RBFOX3: variants seen among roughly 807,000 people sequenced by gnomAD.
The protein encoded by RBFOX3 is RNA binding protein fox-1 homolog 3.
In RBFOX3, 17 loss-of-function variants were observed where a neutral mutation model predicts 48.7. That is an observed-to-expected ratio of 0.35 (90% CI 0.24 to 0.52). The LOEUF (loss-of-function observed/expected upper bound fraction) is 0.52, where lower values mean the gene tolerates loss of function less well. Among genes scored for constraint, RBFOX3 ranks in the 20% least tolerant of loss-of-function variants. The probability of loss-of-function intolerance (pLI) is 0.94; values close to 1 mark genes in which losing one functional copy is unlikely to be tolerated. For synonymous variants in RBFOX3, 212 were observed against 209.5 expected (o/e 1.01, Z -0.10); for missense variants, 382 against 497.5 (o/e 0.77, Z 2.21).
chr17:79,179,360 G>A (rs1195910052), intron 4 of RBFOX3, among the ~76,000 whole-genome samples: 2 of 152,170 alleles, frequency 1.3e-5, no homozygotes, highest in Admixed American at 1.3e-4. Context: ...GCTCGGAAAC[G>A]CCGCATCCTC....
chr17:79,440,889 A>G (rs1555734465), intron 2 of RBFOX3, among the ~76,000 whole-genome samples: 1 of 152,016 alleles, frequency 6.6e-6, no homozygotes, highest in Non-Finnish European at 1.5e-5. Flanking sequence ...CCCACACCCC[A>G]TACGAGGGGA....
At chr17:79,131,159 T>C (rs571461043) in intron 4 of RBFOX3, among the ~76,000 whole-genome samples, 116 of 151,674 alleles carry the variant, frequency 7.6e-4, no homozygotes, top group African/African-American at 2.5e-3. Flanking sequence ...GTGTACCGTG[T>C]GTGAGCCATG....
At chr17:79,328,496 C>T (rs995400612) in intron 2 of RBFOX3, among the ~76,000 whole-genome samples, 10 of 152,204 alleles carry the variant, frequency 6.6e-5, no homozygotes, top group Non-Finnish European at 1.5e-4. Flanking sequence ...GAATTCATCA[C>T]TGTATTTCAT....
In RBFOX3 at chr17:79,430,424, T is replaced by C. The variant is rs558634780; in HGVS notation, c.-175+52030A>G. Among the ~76,000 whole-genome samples the C allele has an allele frequency of 2.7e-3, 404 of 152,294 alleles. 3 individuals carry two copies. Among genetic ancestry groups the C allele is most frequent in the African/African-American group, 9.3e-3 (386 of 41,550 alleles). The stretch of plus-strand genomic sequence containing the variant: ...GTTAAGGAGGCTTCCCAAACTATAG[T>C]TCATTTAACTGTCCTTTTAGGAGTC... On this transcript the variant is annotated intron_variant, in intron 2 of 14. Transcript: ENST00000693108.
At chr17:79,612,438 G>C (rs901327457), upstream of RBFOX3, among the ~76,000 whole-genome samples, 1 of 152,230 alleles carries the variant, frequency 6.6e-6, no homozygotes, top group Non-Finnish European at 1.5e-5. Flanking sequence ...TATGGATTTG[G>C]AGCTTCTCGG....
intron 3 of RBFOX3, among the ~76,000 whole-genome samples, chr17:79,280,462 G>T (rs1053893469): frequency 1.1e-4 from 16 of 152,316 alleles, no homozygotes; most frequent in Non-Finnish European, 1.6e-4. Flanking sequence ...CATCAAGGCC[G>T]CGATGCCTTC....
chr17:79,150,775 G>T (rs187550663), intron 4 of RBFOX3, among the ~76,000 whole-genome samples: 1 of 152,180 alleles, frequency 6.6e-6, no homozygotes, highest in African/African-American at 2.4e-5. Flanking sequence ...GAGAAAAGAG[G>T]GGGGCAGGGA....
At chr17:79,517,461 A>AC (rs2085421375) in intron 1 of RBFOX3, among the ~76,000 whole-genome samples, 1 of 149,822 alleles carries the variant, frequency 6.7e-6, no homozygotes, top group African/African-American at 2.5e-5. Flanking sequence ...AAAAAAAAAA[A>AC]CAAACAAAAA....
At chr17:79,100,750 G>A (rs183553146) in intron 9 of RBFOX3, among the ~76,000 whole-genome samples, 2 of 152,356 alleles carry the variant, frequency 1.3e-5, no homozygotes, top group East Asian at 1.9e-4. Context: ...CGCCTGCTCT[G>A]CTCAAAGCAG....
At chr17:79,603,493 T>C (rs1042634580) in intron 1 of RBFOX3, among the ~76,000 whole-genome samples, 10,304 of 152,270 alleles carry the variant, frequency 0.068, 491 homozygotes, top group East Asian at 0.27. Flanking sequence ...CATGAGCTGC[T>C]GGGGGCTGCT....
At position 79,443,102 on chromosome 17, in the gene RBFOX3, GC is replaced by G. The variant is rs1237501442; in HGVS notation, c.-175+39351del. On this transcript the variant is annotated intron_variant, in intron 2 of 14. Transcript: ENST00000693108. This position sits in a 1 kb window ranked among gnomAD's most constrained non-coding sequence, Gnocchi z 4.4. ...CATGGACGAGACAGTGGTGGCCTCT[GC>G]CCCTGTGGACAAAACCGGAGCTCAG... Among the ~76,000 whole-genome samples the G allele has an allele frequency of 1.3e-5, 2 of 152,204 alleles. No homozygotes were observed. The highest frequency in any genetic ancestry group is 3.9e-4 in the East Asian group (2 of 5,188).
the RBFOX3 span, among the ~76,000 whole-genome samples, chr17:79,625,374 A>G: frequency 2.6e-5 from 4 of 152,206 alleles, no homozygotes; most frequent in East Asian, 5.8e-4. Flanking sequence ...GTAGTATTCC[A>G]TCGCATGGAT....
At chr17:79,135,528 CA>C (rs1328828018) in intron 4 of RBFOX3, among the ~76,000 whole-genome samples, 1 of 152,182 alleles carries the variant, frequency 6.6e-6, no homozygotes, top group East Asian at 1.9e-4. Context: ...GGGCTTCCAA[CA>C]GGGGGGCATC....
chr17:79,207,166 T>C (rs2057619206), intron 4 of RBFOX3, among the ~76,000 whole-genome samples: 1 of 152,230 alleles, frequency 6.6e-6, no homozygotes, highest in Admixed American at 6.5e-5. Flanking sequence ...AATATTATAA[T>C]TAGTAGGGTT....
rs1044939908 is a variant in RBFOX3 at position 79,205,853 on chromosome 17, T to C, written c.-34+29913A>G. ...AAGCAGTTGGCTTTTTTTTTTTTTT[T>C]CCTTAAAGTAGTTTGCTTTTACATA... On this transcript the variant is annotated intron_variant, in intron 4 of 14. Coordinates refer to ENST00000693108, the MANE Select transcript of RBFOX3 (RefSeq NM_001350451.2). The surrounding 1 kb of genome is among the most constrained non-coding windows in gnomAD (Gnocchi z 4.5). 7.3e-6 allele frequency among the ~76,000 whole-genome samples: 1 copy of C among 136,498 alleles called. No individual in the cohort carries two copies. The highest frequency in any genetic ancestry group is 2.2e-4 in the East Asian group (1 of 4,566). The allele number at this position is 136,498 out of a possible 152,430, so 89.5% of individuals were successfully genotyped here. A position where few individuals can be genotyped will look rare whatever the true frequency, so the allele number is the denominator to read the frequency against.
At chr17:79,291,311 C>T (rs374626880) in intron 3 of RBFOX3, among the ~76,000 whole-genome samples, 2 of 152,334 alleles carry the variant, frequency 1.3e-5, no homozygotes, top group East Asian at 1.9e-4. Context: ...AGCGAGAGCT[C>T]GCTCTGCGGT....
chr17:79,637,424 C>T, the RBFOX3 span, among the ~76,000 whole-genome samples: 17 of 152,086 alleles, frequency 1.1e-4, no homozygotes, highest in Middle Eastern at 3.4e-3. Flanking sequence ...TTAACAAATT[C>T]GGCTAATGTC....
At chr17:79,162,775 G>T (rs965212824) in intron 4 of RBFOX3, among the ~76,000 whole-genome samples, 1 of 152,198 alleles carries the variant, frequency 6.6e-6, no homozygotes, top group Non-Finnish European at 1.5e-5. Flanking sequence ...CCCGCGGCAG[G>T]TGAAGGAGGG....
At chr17:79,404,299 G>C (rs970822834) in intron 2 of RBFOX3, among the ~76,000 whole-genome samples, 2 of 152,050 alleles carry the variant, frequency 1.3e-5, no homozygotes, top group Non-Finnish European at 2.9e-5. Flanking sequence ...CCAGGGGCCT[G>C]GCTAGGCACT....
Sources: allele counts gnomAD v4.1 joint callset (sites outside exome capture counted in the v4.1 genomes callset), GRCh38; gene constraint gnomAD v4.1.1; non-coding constraint Gnocchi (gnomAD v3.1); transcripts MANE v1.5; gene names NCBI Gene and HGNC (gene_info 2026-07-23, HGNC 2026-07-21).